The following ABCA12 variants were observed in gnomAD, a reference collection of about 807,000 sequenced individuals.
The protein encoded by ABCA12 is glucosylceramide transporter ABCA12.
In ABCA12, 156 loss-of-function variants were observed where a neutral mutation model predicts 293.5. That is an observed-to-expected ratio of 0.53 (90% CI 0.47 to 0.61). The LOEUF (loss-of-function observed/expected upper bound fraction) is 0.61. Among genes scored for constraint, ABCA12 ranks in the 20% least tolerant of loss-of-function variants. ABCA12 has a pLI of 0.00. For synonymous variants in ABCA12, 1,063 were observed against 1,108.0 expected (o/e 0.96, Z 0.81); for missense variants, 2,797 against 3,090.2 (o/e 0.91, Z 2.25).
Position 215,134,350 on chromosome 2 carries a change from G to A in ABCA12, c.69+3790C>T, listed in dbSNP as rs567732825. ...TATATGTACATATATATGTATATGTGTATATATGTATATGTGTATATATGT... is the reference window on the plus strand; with the variant it reads ...TATATGTACATATATATGTATATGTATATATATGTATATGTGTATATATGT... On this transcript the variant is annotated intron_variant, in intron 1 of 52. Transcript: ENST00000272895. Among the ~76,000 whole-genome samples the A allele has an allele frequency of 1.7e-4, 23 of 139,056 alleles. No individual in the cohort carries two copies. The East Asian group carries it at 3.8e-3, about 23-fold the overall frequency. 91.2% of individuals were successfully genotyped at this position (139,056 alleles called of 152,430 possible).
At chr2:215,055,389 G>T (rs1417158043) in intron 3 of ABCA12, among the ~76,000 whole-genome samples, 1 of 151,910 alleles carries the variant, frequency 6.6e-6, no homozygotes, top group East Asian at 1.9e-4. Context: ...TTCGCTTTTT[G>T]TTTAGTTTGT....
chr2:214,966,787 A>T, intron 39 of ABCA12, 61 bp downstream of exon 39: 2 of 1,503,564 alleles, frequency 1.3e-6, no homozygotes, highest in Admixed American at 3.3e-5. Context: ...TATAAAGTGC[A>T]TTTTTATACA....
At chr2:215,096,017 C>T (rs572431893) in intron 2 of ABCA12, among the ~76,000 whole-genome samples, 83 of 152,258 alleles carry the variant, frequency 5.5e-4, no homozygotes, top group African/African-American at 1.7e-3. Flanking sequence ...TCTCTTCACA[C>T]GGACGTGCAT....
intron 5 of ABCA12, among the ~76,000 whole-genome samples, chr2:215,050,233 A>G (rs923169839): frequency 1.3e-5 from 2 of 152,124 alleles, no homozygotes; most frequent in Admixed American, 6.6e-5. Flanking sequence ...AAGATTTCCA[A>G]CAGAAGGAGC....
chr2:215,114,799 T>A (rs1349293093), intron 1 of ABCA12, among the ~76,000 whole-genome samples: 3 of 152,212 alleles, frequency 2.0e-5, no homozygotes, highest in Non-Finnish European at 4.4e-5. Context: ...AAAATTAATG[T>A]TTGTGGATTT....
At chr2:214,981,742 C>T (rs1018442858) in intron 30 of ABCA12, among the ~76,000 whole-genome samples, 2 of 140,810 alleles carry the variant, frequency 1.4e-5, no homozygotes, top group Non-Finnish European at 3.1e-5. Context: ...ATATCATAAA[C>T]AGAAAAGTCG....
At chr2:215,132,930 A>G (rs76631003) in intron 1 of ABCA12, among the ~76,000 whole-genome samples, 5,180 of 152,002 alleles carry the variant, frequency 0.034, 141 homozygotes, top group African/African-American at 0.065. Flanking sequence ...AATAATGACA[A>G]ATTCTCTTAG....
chr2:215,079,110 CAGA>C (rs1363624211), intron 2 of ABCA12, among the ~76,000 whole-genome samples: 3 of 152,172 alleles, frequency 2.0e-5, no homozygotes, highest in African/African-American at 7.2e-5. Context: ...TGGAGAAAAA[CAGA>C]AGGATGGGAA....
intron 39 of ABCA12, among the ~76,000 whole-genome samples, chr2:214,965,876 T>C (rs1045468217): frequency 2.6e-5 from 4 of 152,202 alleles, no homozygotes; most frequent in African/African-American, 9.7e-5. Context: ...CCAGCAGTCT[T>C]ATTACTACAT....
chr2:215,011,335 G>T, intron 17 of ABCA12, 104 bp downstream of exon 17: 1 of 864,910 alleles, frequency 1.2e-6, no homozygotes, highest in Non-Finnish European at 1.8e-6. Context: ...TTTTATTCTT[G>T]GGGAAAATTA....
intron 43 of ABCA12, 50 bp from the exon 44 acceptor site, chr2:214,954,157 C>T: frequency 1.9e-6 from 3 of 1,598,026 alleles, no homozygotes; most frequent in Non-Finnish European, 2.6e-6. Context: ...TTCCAAAAAG[C>T]TGACAAAAAT....
chr2:214,950,100 C>T (rs1327352108), intron 45 of ABCA12, among the ~76,000 whole-genome samples: 1 of 152,062 alleles, frequency 6.6e-6, no homozygotes, highest in South Asian at 2.1e-4. Flanking sequence ...CTAAACAATA[C>T]ACGATAACAA....
intron 2 of ABCA12, among the ~76,000 whole-genome samples, chr2:215,069,827 T>C (rs1701702743): frequency 6.6e-6 from 1 of 152,156 alleles, no homozygotes. Context: ...TAATAGAGAC[T>C]CTAACCTAGT....
chr2:214,951,148 T>A, intron 44 of ABCA12, 65 bp from the exon 45 acceptor site: 1 of 1,404,756 alleles, frequency 7.1e-7, no homozygotes. Context: ...TTTTGACATG[T>A]TTTGATGGGT....
intron 4 of ABCA12, among the ~76,000 whole-genome samples, chr2:215,053,301 T>C (rs1373699214): frequency 6.6e-6 from 1 of 152,132 alleles, no homozygotes; most frequent in Non-Finnish European, 1.5e-5. Flanking sequence ...TACAGAAGTC[T>C]TTTGTCATCC....
intron 2 of ABCA12, among the ~76,000 whole-genome samples, chr2:215,101,297 C>T: frequency 6.6e-6 from 1 of 152,254 alleles, no homozygotes; most frequent in East Asian, 1.9e-4. Flanking sequence ...GAAAAAGTAG[C>T]TCACAAACTT....
chr2:215,096,723 T>C (rs2970957), intron 2 of ABCA12, among the ~76,000 whole-genome samples: 1 of 151,984 alleles, frequency 6.6e-6, no homozygotes, highest in Non-Finnish European at 1.5e-5. Flanking sequence ...TCTTTTTCTT[T>C]CTCCAGCCTT....
At chr2:215,086,675 T>C (rs1702044769) in intron 2 of ABCA12, among the ~76,000 whole-genome samples, 1 of 152,146 alleles carries the variant, frequency 6.6e-6, no homozygotes, top group Non-Finnish European at 1.5e-5. Context: ...TGCTAATGTA[T>C]TGTTGCGTGT....
rs141114075 is a variant in ABCA12 at position 215,009,745 on chromosome 2, G to A, written c.2472+586C>T. On this transcript the variant is annotated intron_variant, in intron 18 of 52. Transcript: ENST00000272895. ...GAGATTTTTCTTTTACTTTAGCTCCGTCATTTTAAAAGTACTAGGTTTATA... is the reference window on the plus strand; with the variant it reads ...GAGATTTTTCTTTTACTTTAGCTCCATCATTTTAAAAGTACTAGGTTTATA... Among the ~76,000 whole-genome samples the A allele has an allele frequency of 4.3e-3, 660 of 152,152 alleles. 3 individuals carry two copies. The highest frequency in any genetic ancestry group is 0.015 in the African/African-American group (603 of 41,526).
Sources: gnomAD v4.1 joint callset for allele counts (sites outside exome capture counted in the v4.1 genomes callset) on GRCh38, gnomAD v4.1.1 for gene constraint, MANE v1.5 for transcripts, NCBI Gene and HGNC (gene_info 2026-07-23, HGNC 2026-07-21) for gene names.